OSBPL11: variants seen among roughly 807,000 people sequenced by gnomAD.
OSBPL11 encodes the protein oxysterol binding protein like 11.
A neutral mutation model predicts 84.4 loss-of-function variants in OSBPL11; 33 were observed. That is an observed-to-expected ratio of 0.39 (90% confidence interval 0.30 to 0.52). OSBPL11 has a LOEUF of 0.52. Among genes scored for constraint, OSBPL11 ranks in the 20% least tolerant of loss-of-function variants. The pLI is 0.72. For synonymous variants in OSBPL11, 276 were observed against 310.2 expected (o/e 0.89, Z 1.16); for missense variants, 736 against 901.1 (o/e 0.82, Z 2.35).
intron 1 of OSBPL11, among the ~76,000 whole-genome samples, chr3:125,585,104 T>C (rs1235732705): frequency 6.6e-6 from 1 of 152,044 alleles, no homozygotes; most frequent in Non-Finnish European, 1.5e-5. Context: ...GTAACATCAA[T>C]CGCTAAAAAG....
At chr3:125,542,943 C>T (rs554899554) in intron 10 of OSBPL11, among the ~76,000 whole-genome samples, 6 of 152,112 alleles carry the variant, frequency 3.9e-5, no homozygotes, top group South Asian at 2.1e-4. Flanking sequence ...CTGTGCCCAG[C>T]GAAAGTGATT....
chr3:125,584,080 C>A (rs1469984021), intron 1 of OSBPL11, among the ~76,000 whole-genome samples: 1 of 151,982 alleles, frequency 6.6e-6, no homozygotes, highest in African/African-American at 2.4e-5. Context: ...AAAACTTATT[C>A]TTGGCCGGGC....
intron 1 of OSBPL11, among the ~76,000 whole-genome samples, chr3:125,591,838 G>GA (rs1936599424): frequency 6.6e-6 from 1 of 151,980 alleles, no homozygotes; most frequent in South Asian, 2.1e-4. Context: ...CCTGCCTCTA[G>GA]AAAAAAATTT....
chr3:125,593,604 A>G (rs1460129425), intron 1 of OSBPL11, among the ~76,000 whole-genome samples: 2 of 151,272 alleles, frequency 1.3e-5, no homozygotes, highest in Admixed American at 6.6e-5. Flanking sequence ...TGGGTGACAG[A>G]GCCAGACTCT....
chr3:125,536,515 G>T (rs1353740999), intron 11 of OSBPL11, among the ~76,000 whole-genome samples: 1 of 152,110 alleles, frequency 6.6e-6, no homozygotes, highest in Non-Finnish European at 1.5e-5. Context: ...AACTAATTGG[G>T]AAGTTTTCAA....
chr3:125,578,942 G>A lies in OSBPL11; in HGVS notation c.489+18C>T. ...TTCCTCATTTTTGTATATTAATATT[G>A]TATATAAATCTACATACCTTTCCAA... On this transcript the variant is annotated intron_variant, in intron 4 of 12. Transcript: ENST00000296220. The A allele has an allele frequency of 1.4e-6, 2 of 1,421,758 alleles. No homozygotes were observed. The highest frequency in any genetic ancestry group is 2.2e-5 in the Admixed American group (1 of 45,742). The allele number at this position is 1,421,758 out of a possible 1,614,324, so 88.1% of individuals were successfully genotyped here. A position where few individuals can be genotyped will look rare whatever the true frequency, so the allele number is the denominator to read the frequency against.
chr3:125,530,308 A>G lies in OSBPL11; in HGVS notation c.*207T>C, dbSNP rs1322594575. On this transcript the variant is annotated 3_prime_UTR_variant, in exon 13 of 13. Coordinates refer to ENST00000296220, the MANE Select transcript of OSBPL11 (RefSeq NM_022776.5). ...TTTAAGATGGTATTGCTCACATCAC[A>G]TGAACAGGTTGGTAAAAGGTCCACT... The G allele has an allele frequency of 3.4e-6, 2 of 586,228 alleles. No homozygotes were observed. Among genetic ancestry groups the G allele is most frequent in the Admixed American group, 5.9e-5 (2 of 34,034 alleles). 36.3% of individuals were successfully genotyped at this position (586,228 alleles called of 1,614,324 possible). A position where few individuals can be genotyped will look rare whatever the true frequency, so the allele number is the denominator to read the frequency against.
At chr3:125,559,999 C>T (rs75419139) in intron 8 of OSBPL11, among the ~76,000 whole-genome samples, 4,778 of 151,902 alleles carry the variant, frequency 0.031, 96 homozygotes, top group East Asian at 0.065. Context: ...CAATGGCTCA[C>T]GCCTGTAATC....
intron 10 of OSBPL11, among the ~76,000 whole-genome samples, chr3:125,539,740 C>T (rs1283206952): frequency 3.3e-5 from 5 of 152,056 alleles, no homozygotes; most frequent in South Asian, 2.1e-4. Context: ...TGAGCCACTG[C>T]GCCTGGACTG....
At chr3:125,584,200 A>G (rs1936472050) in intron 1 of OSBPL11, among the ~76,000 whole-genome samples, 1 of 151,998 alleles carries the variant, frequency 6.6e-6, no homozygotes, top group Non-Finnish European at 1.5e-5. Flanking sequence ...CCCCATCTCA[A>G]CAAAAAATAC....
At chr3:125,581,471 G>A (rs1936423830) in intron 2 of OSBPL11, among the ~76,000 whole-genome samples, 1 of 151,338 alleles carries the variant, frequency 6.6e-6, no homozygotes. Context: ...CAAGGCGGGT[G>A]GACTGCCTGA....
At chr3:125,541,774 G>T (rs1290309174) in intron 10 of OSBPL11, among the ~76,000 whole-genome samples, 1 of 152,004 alleles carries the variant, frequency 6.6e-6, no homozygotes. Flanking sequence ...GTACAGAGTG[G>T]GTCTCACTAT....
chr3:125,554,250 G>A (rs1439293692), intron 8 of OSBPL11, among the ~76,000 whole-genome samples: 4 of 152,150 alleles, frequency 2.6e-5, no homozygotes, highest in Non-Finnish European at 4.4e-5. Flanking sequence ...TGGATACCAA[G>A]TGATACATAA....
At chr3:125,540,328 CAAAAAAAA>C (rs201858368) in intron 10 of OSBPL11, among the ~76,000 whole-genome samples, 6 of 85,338 alleles carry the variant, frequency 7.0e-5, no homozygotes, top group Non-Finnish European at 1.3e-4. Flanking sequence ...GGCTCTGTCT[CAAAAAAAA>C]AAAAAAAAAA....
In OSBPL11 at chr3:125,587,273, GAAC is replaced by G. The variant is rs572659801; in HGVS notation, c.165-4298_165-4296del. Among the ~76,000 whole-genome samples the G allele has an allele frequency of 1.2e-4, 19 of 152,304 alleles. No homozygotes were observed. The South Asian group carries it at 3.7e-3, about 30-fold the overall frequency. ...AGAGCAACACTCAGATTTCCAGCTG[GAAC>G]AACTGGGTGGATAACTAATGCCTTC... is the stretch of plus-strand genomic sequence containing the variant. On this transcript the variant is annotated intron_variant, in intron 1 of 12. Transcript: ENST00000296220.
chr3:125,591,318 G>T (rs1479531416), intron 1 of OSBPL11, among the ~76,000 whole-genome samples: 1 of 152,226 alleles, frequency 6.6e-6, no homozygotes, highest in Non-Finnish European at 1.5e-5. Context: ...ACACCCTTGT[G>T]TGGGACTTGT....
In OSBPL11 at chr3:125,552,404, G is replaced by C. The variant is rs373608915; in HGVS notation, c.1431C>G (p.Ser477=). 15 of 1,613,986 alleles carry C rather than the reference G, an allele frequency of 9.3e-6. No homozygotes were observed. The highest frequency in any genetic ancestry group is 1.3e-5 in the Non-Finnish European group (15 of 1,180,022). ...GAGCATGATTTGTGACTCCCTGGGT[G>C]GAAGAACTGCTAAAAACACTGGATG... is the stretch of plus-strand genomic sequence containing the variant. ...EVASSVFSSS[S]TQGVTNHAPL... Residue 477 remains serine, a synonymous_variant, in exon 9 of 13, where the codon TCC becomes TCG. Coordinates refer to ENST00000296220, the MANE Select transcript of OSBPL11 (RefSeq NM_022776.5).
At chr3:125,545,074 T>C (rs1559836714) in intron 10 of OSBPL11, among the ~76,000 whole-genome samples, 1 of 152,204 alleles carries the variant, frequency 6.6e-6, no homozygotes, top group Non-Finnish European at 1.5e-5. Context: ...TAGCTTCAAA[T>C]AGAAAATATT....
chr3:125,531,293 CTTT>C (rs774229724), intron 12 of OSBPL11, among the ~76,000 whole-genome samples: 3 of 131,472 alleles, frequency 2.3e-5, no homozygotes, highest in Non-Finnish European at 4.8e-5. Context: ...GCTCATTTTT[CTTT>C]TTTTTTTTTT....
Sources: gnomAD v4.1 joint callset for allele counts (sites outside exome capture counted in the v4.1 genomes callset) on GRCh38, gnomAD v4.1.1 for gene constraint, MANE v1.5 for transcripts, NCBI Gene and HGNC (gene_info 2026-07-23, HGNC 2026-07-21) for gene names.